The following MYOM3 variants were observed in gnomAD, a reference collection of about 807,000 sequenced individuals.
MYOM3 encodes myomesin-3.
Under a neutral mutation model 191.7 loss-of-function variants are expected in MYOM3, and 155 were observed. The observed-to-expected ratio is 0.81, with a 90% CI of 0.71 to 0.92. The LOEUF (loss-of-function observed/expected upper bound fraction) is 0.92, where lower values mean the gene tolerates loss of function less well. Among genes scored for constraint, MYOM3 ranks in the 40% least tolerant of loss-of-function variants. MYOM3 has a pLI of 0.00. For synonymous variants in MYOM3, 757 were observed against 762.9 expected, an observed-to-expected ratio of 0.99 and a Z score of 0.13; for missense variants, 1,889 against 1,890.6, an observed-to-expected ratio of 1.00 and a Z score of 0.02.
In MYOM3 at chr1:24,093,124, G is replaced by C. The variant is rs1192745512; in HGVS notation, c.929-16C>G. 3 of 1,599,366 alleles carry C rather than the reference G, an allele frequency of 1.9e-6. No individual in the cohort carries two copies. Among genetic ancestry groups the C allele is most frequent in the East Asian group, 4.5e-5 (2 of 44,632 alleles). On this transcript the variant is annotated splice_polypyrimidine_tract_variant and intron_variant, in intron 9 of 36. Coordinates refer to ENST00000374434, the MANE Select transcript of MYOM3 (RefSeq NM_152372.4). ...AGTAGGCTCCCTGTGGAGGGGAAGT[G>C]GGGGGCCATTGAGTTTGTGGGGGGT...
At chr1:24,067,345 T>C (rs12046232) in intron 27 of MYOM3, among the ~76,000 whole-genome samples, 1,002 of 81,846 alleles carry the variant, frequency 0.012, 8 homozygotes, top group African/African-American at 0.018. Context: ...TCTTTCTTTC[T>C]TTCTTTCTTT....
In MYOM3 at chr1:24,063,586, T is replaced by C. The variant is rs898537278; in HGVS notation, c.3623-56A>G. On this transcript the variant is annotated intron_variant, in intron 30 of 36. Transcript: ENST00000374434. The surrounding 1 kb of genome is among the most constrained non-coding windows in gnomAD (Gnocchi z 4.5). ...GCATAGGGCTCCCCTAGGGATGTGC[T>C]AGGAGTGGGGACATCCTAGAAAAAG... The C allele has an allele frequency of 2.5e-6, 4 of 1,602,556 alleles. No individual in the cohort carries two copies. The highest frequency in any genetic ancestry group is 3.4e-6 in the Non-Finnish European group (4 of 1,169,992).
rs755410704 is a variant in MYOM3, at chr1:24,107,160, G to A, written c.315C>T (p.Gly105=). 1.2e-6 allele frequency: 2 copies of A among 1,612,198 alleles called. No homozygotes were observed. Among genetic ancestry groups the A allele is most frequent in the East Asian group, 4.5e-5 (2 of 44,836 alleles). The change falls in exon 4 of 37, where the codon GGC becomes GGT. Residue 105 remains glycine, a synonymous_variant. Transcript: ENST00000374434. The stretch of plus-strand genomic sequence containing the variant: ...CGATCTCAGTCCTCTCCCAGTCATT[G>A]CCGAAGCCCACCCGCTTCTGCCCTC... ...EERGQKRVGF[G]NDWERTEIAF...
Position 24,090,132 on chromosome 1 carries a change from G to C in MYOM3, c.1433-14C>G. 1 of 1,610,562 alleles carries C rather than the reference G, an allele frequency of 6.2e-7. No individual in the cohort carries two copies. The highest frequency in any genetic ancestry group is 8.5e-7 in the Non-Finnish European group (1 of 1,176,824). The stretch of plus-strand genomic sequence containing the variant: ...CAAAGGGGATCTCTAGGATGAGAAG[G>C]GAGCATGGGAGGGTGGGGGGTGGCA... On this transcript the variant is annotated splice_polypyrimidine_tract_variant and intron_variant, in intron 12 of 36. Coordinates refer to ENST00000374434, the MANE Select transcript of MYOM3 (RefSeq NM_152372.4).
At chr1:24,108,757 G>A in intron 1 of MYOM3, 103 bp from the exon 2 acceptor site, 1 of 833,322 alleles carries the variant, frequency 1.2e-6, no homozygotes, top group East Asian at 3.2e-5. Flanking sequence ...GGGGGGTGGG[G>A]GTGTCCTCTC....
chr1:24,082,350 C>T lies in MYOM3; in HGVS notation c.2093-162G>A, dbSNP rs1643681594. The T allele has an allele frequency of 4.6e-6, 4 of 864,208 alleles. No individual in the cohort carries two copies. In the East Asian group the frequency reaches 1.1e-4, roughly 24 times the overall value. The allele number at this position is 864,208 out of a possible 1,614,324, so 53.5% of individuals were successfully genotyped here. A position where few individuals can be genotyped will look rare whatever the true frequency, so the allele number is the denominator to read the frequency against. On this transcript the variant is annotated intron_variant, in intron 17 of 36. Transcript: ENST00000374434. The stretch of plus-strand genomic sequence containing the variant: ...TCTGTGCCTCAGGAGGGCATCGGAG[C>T]CTCAGGTTTCTGGGTCTGAGGGCTT...
In MYOM3 at chr1:24,076,553, G is replaced by A. The variant is rs12126707; in HGVS notation, c.2587-280C>T. ...TTTTGAGACGGAGTCTCGCTCTGTCGCCCAGGCTGGAGTGCAGTGGCGGGA... is the reference window on the plus strand; with the variant it reads ...TTTTGAGACGGAGTCTCGCTCTGTCACCCAGGCTGGAGTGCAGTGGCGGGA... On this transcript the variant is annotated intron_variant, in intron 20 of 36. Coordinates refer to ENST00000374434, the MANE Select transcript of MYOM3 (RefSeq NM_152372.4). Among the ~76,000 whole-genome samples the A allele has an allele frequency of 8.0e-4, 38 of 47,262 alleles. 5 individuals carry two copies. The South Asian group carries it at 0.012, about 15-fold the overall frequency. 31.0% of individuals were successfully genotyped at this position (47,262 alleles called of 152,430 possible). A position where few individuals can be genotyped will look rare whatever the true frequency, so the allele number is the denominator to read the frequency against.
At chr1:24,091,773 A>T (rs1446710382) in intron 11 of MYOM3, among the ~76,000 whole-genome samples, 2 of 152,296 alleles carry the variant, frequency 1.3e-5, no homozygotes, top group Non-Finnish European at 2.9e-5. Flanking sequence ...CACTGGAAAA[A>T]GGCCGGAGGT....
At chr1:24,070,775 G>A (rs918662568) in intron 25 of MYOM3, among the ~76,000 whole-genome samples, 1 of 152,168 alleles carries the variant, frequency 6.6e-6, no homozygotes, top group African/African-American at 2.4e-5. Context: ...CAGAGTTAGA[G>A]TCTAGCCTTG....
rs36077733 is a variant in MYOM3 at position 24,076,185 on chromosome 1, T to A, written c.2675A>T (p.Asp892Val). The change falls in exon 21 of 37, where the codon GAT becomes GTT. Residue 892 changes from aspartate to valine, a missense_variant. Physicochemically the swap from Asp to Val is radical, Grantham distance 152. Transcript: ENST00000374434. ...AGLGQPSMPT[D>V]PVLLEDKPGA... ...TGGCTTGTCCTCCAGGAGCACGGGATCAGTGGGCATGGACGGTTGCCCCAG... is the reference window on the plus strand; with the variant it reads ...TGGCTTGTCCTCCAGGAGCACGGGAACAGTGGGCATGGACGGTTGCCCCAG... 2 of 1,614,098 alleles carry A rather than the reference T, an allele frequency of 1.2e-6. No individual in the cohort carries two copies. The highest frequency in any genetic ancestry group is 2.2e-5 in the South Asian group (2 of 91,078).
chr1:24,082,998 C>T (rs959911263), intron 16 of MYOM3: 7 of 274,182 alleles, frequency 2.6e-5, no homozygotes, highest in Admixed American at 2.2e-4. Context: ...GGCAGCCAAC[C>T]CCAAACCCAG....
In MYOM3 at chr1:24,071,147, G is replaced by A. The variant is rs778606490; in HGVS notation, c.3120C>T (p.Ile1040=). 9.9e-6 allele frequency: 16 copies of A among 1,614,014 alleles called. No individual in the cohort carries two copies. In the African/African-American group the frequency reaches 1.6e-4, roughly 16 times the overall value. The change falls in exon 25 of 37, where the codon ATC becomes ATT. Residue 1040 remains isoleucine, a synonymous_variant. Coordinates refer to ENST00000374434, the MANE Select transcript of MYOM3 (RefSeq NM_152372.4). Reference sequence around the variant, plus strand: ...AGCTGAAGATCTCCTTGTTGTTGAAGATTAGATGTAGCTCAGCGGCTGGAG... The same window carrying A: ...AGCTGAAGATCTCCTTGTTGTTGAAAATTAGATGTAGCTCAGCGGCTGGAG... ...KLSPAAELHL[I]FNNKEIFSSP...
At chr1:24,082,748 C>T in intron 16 of MYOM3, 34 bp from the exon 17 acceptor site, 1 of 1,558,954 alleles carries the variant, frequency 6.4e-7, no homozygotes, top group African/African-American at 1.4e-5. Flanking sequence ...CATGGATGTA[C>T]AAACAGCCTG....
At chr1:24,079,262 C>T (rs549302426) in intron 20 of MYOM3, among the ~76,000 whole-genome samples, 4 of 152,054 alleles carry the variant, frequency 2.6e-5, no homozygotes, top group South Asian at 2.1e-4. Context: ...TGCAGTGGTA[C>T]GATCACGGCT....
intron 9 of MYOM3, 91 bp from the exon 10 acceptor site, chr1:24,093,199 C>A (rs564491266): frequency 2.5e-6 from 2 of 805,616 alleles, no homozygotes; most frequent in East Asian, 5.1e-5. Context: ...GAGACCCTGG[C>A]TGGGCAGAGA....
rs77735893 is a variant in MYOM3 at position 24,069,555 on chromosome 1, C to A, written c.3151-1188G>T. ...CTTTCTTCTTTTTTTTGTCATTGGA[C>A]CTTTGATATATATATAACACATATT... On this transcript the variant is annotated intron_variant, in intron 25 of 36. Coordinates refer to ENST00000374434, the MANE Select transcript of MYOM3 (RefSeq NM_152372.4). Among the ~76,000 whole-genome samples, 636 of 151,450 alleles carry A rather than the reference C, an allele frequency of 4.2e-3. 28 individuals are homozygous for A. The highest frequency in any genetic ancestry group is 0.039 in the Admixed American group (600 of 15,198).
chr1:24,080,807 CAG>C (rs1252138148), intron 19 of MYOM3, among the ~76,000 whole-genome samples: 2 of 152,130 alleles, frequency 1.3e-5, no homozygotes, highest in African/African-American at 2.4e-5. Flanking sequence ...GTGTAGAAAA[CAG>C]AACTGAGCTG....
At chr1:24,086,015 A>G (rs1032347833) in intron 15 of MYOM3, among the ~76,000 whole-genome samples, 3 of 152,118 alleles carry the variant, frequency 2.0e-5, no homozygotes, top group Non-Finnish European at 4.4e-5. Flanking sequence ...GAATCTGATG[A>G]GAGGGTAAAG....
At chr1:24,078,058 C>T (rs575642455) in intron 20 of MYOM3, among the ~76,000 whole-genome samples, 154 of 152,184 alleles carry the variant, frequency 1.0e-3, no homozygotes, top group African/African-American at 3.4e-3. Flanking sequence ...AGGACTAAAG[C>T]GCCCCTGGCA....
Sources: gnomAD v4.1 joint callset for allele counts (sites outside exome capture counted in the v4.1 genomes callset) on GRCh38, gnomAD v4.1.1 for gene constraint, Gnocchi (gnomAD v3.1) non-coding constraint, MANE v1.5 for transcripts, NCBI Gene and HGNC (gene_info 2026-07-23, HGNC 2026-07-21) for gene names.